SRPK2: variants seen among roughly 807,000 people sequenced by gnomAD.
SRPK2 encodes the protein SFRS protein kinase 2.
SRPK2 carries 21 observed loss-of-function variants against 90.8 expected under a neutral mutation model. The observed-to-expected ratio is 0.23, with a 90% confidence interval of 0.16 to 0.33. The LOEUF (loss-of-function observed/expected upper bound fraction) is 0.33. Among genes scored for constraint, SRPK2 ranks in the 10% least tolerant of loss-of-function variants. SRPK2 has a pLI of 1.00. For synonymous variants in SRPK2, 288 were observed against 311.1 expected (o/e 0.93, Z 0.78); for missense variants, 620 against 869.0 (o/e 0.71, Z 3.60).
Position 105,324,009 on chromosome 7 carries a change from GTGTGTGT to G in SRPK2, c.71+64632_71+64638del, listed in dbSNP as rs1813258303. On this transcript the variant is annotated intron_variant, in intron 2 of 15. Transcript: ENST00000393651. Reference sequence around the variant, plus strand: ...TGTGTGTGTGTGTGTGTGTGTGTGTGTGTGTGTGGTGGAGTCTCACATTGTCGCCCGG... The same window carrying G: ...TGTGTGTGTGTGTGTGTGTGTGTGTGGGTGGAGTCTCACATTGTCGCCCGG... Among the ~76,000 whole-genome samples, 4 of 140,776 alleles carry G rather than the reference GTGTGTGT, an allele frequency of 2.8e-5. 1 individual carries two copies. The highest frequency in any genetic ancestry group is 1.1e-4 in the African/African-American group (4 of 36,936). 92.4% of individuals were successfully genotyped at this position (140,776 alleles called of 152,430 possible).
intron 2 of SRPK2, among the ~76,000 whole-genome samples, chr7:105,274,253 C>CCT (rs564749123): frequency 1.6e-4 from 24 of 151,094 alleles, no homozygotes; most frequent in Non-Finnish European, 2.7e-4. Flanking sequence ...CAATAAATTC[C>CCT]CTCTCTCTCT....
rs113456622 is a variant in SRPK2, at chr7:105,133,153, G to C, written c.1544-49C>G. 4 of 1,542,870 alleles carry C rather than the reference G, an allele frequency of 2.6e-6. No homozygotes were observed. The Admixed American group carries it at 6.7e-5, about 26-fold the overall frequency. On this transcript the variant is annotated intron_variant, in intron 11 of 15. Coordinates refer to ENST00000393651, the MANE Select transcript of SRPK2 (RefSeq NM_182692.3). ...AGTTAGTGATCGGGATAGGTGGTTT[G>C]CATGTGTGAGCACAGTGTTTGCCAG...
At chr7:105,334,667 G>C (rs1029401143) in intron 2 of SRPK2, among the ~76,000 whole-genome samples, 1 of 151,730 alleles carries the variant, frequency 6.6e-6, no homozygotes, top group East Asian at 2.0e-4. Context: ...GTGAAACCCA[G>C]TCTCTACTAA....
At chr7:105,389,929 A>G (rs1282087921), upstream of SRPK2, among the ~76,000 whole-genome samples, 1 of 152,116 alleles carries the variant, frequency 6.6e-6, no homozygotes, top group Non-Finnish European at 1.5e-5. Flanking sequence ...AGAACGGGAA[A>G]CTCTGCTTGG....
chr7:105,333,329 A>C (rs1011614796), intron 2 of SRPK2, among the ~76,000 whole-genome samples: 1 of 152,272 alleles, frequency 6.6e-6, no homozygotes, highest in Non-Finnish European at 1.5e-5. Context: ...ATTGTAACAA[A>C]TATTAAGTAA....
At chr7:105,170,745 G>GAGGAAGGAAGGGAGGA (rs1790721037) in intron 3 of SRPK2, among the ~76,000 whole-genome samples, 1 of 45,538 alleles carries the variant, frequency 2.2e-5, no homozygotes, top group Non-Finnish European at 3.8e-5. Context: ...GGAAGAAAGG[G>GAGGAAGGAAGGGAGGA]AGGAAGGAAG....
intron 3 of SRPK2, among the ~76,000 whole-genome samples, chr7:105,200,334 G>A (rs561495583): frequency 5.3e-4 from 81 of 152,008 alleles, no homozygotes; most frequent in African/African-American, 1.6e-3. Flanking sequence ...ATCAAAGAAC[G>A]ATTGAGGCAT....
chr7:105,264,907 G>C (rs1047828202), intron 2 of SRPK2, among the ~76,000 whole-genome samples: 14 of 152,090 alleles, frequency 9.2e-5, no homozygotes, highest in African/African-American at 2.9e-4. Context: ...AGGCAGACTG[G>C]GAATCAGCTC....
upstream of SRPK2, among the ~76,000 whole-genome samples, chr7:105,390,081 G>C (rs1199864148): frequency 6.6e-6 from 1 of 152,184 alleles, no homozygotes; most frequent in African/African-American, 2.4e-5. Context: ...CTATGTGTCT[G>C]TGTGTATGGT....
intron 3 of SRPK2, among the ~76,000 whole-genome samples, chr7:105,191,900 G>C (rs773457702): frequency 2.0e-5 from 3 of 148,280 alleles, no homozygotes; most frequent in African/African-American, 5.0e-5. Context: ...TTTTTAAATA[G>C]AGACAAAGTC....
chr7:105,314,622 G>A (rs1427708951), intron 2 of SRPK2, among the ~76,000 whole-genome samples: 1 of 152,130 alleles, frequency 6.6e-6, no homozygotes, highest in Non-Finnish European at 1.5e-5. Flanking sequence ...GACCTCAGGC[G>A]ATCTGCCCGC....
At chr7:105,159,796 T>C (rs577002067) in intron 7 of SRPK2, among the ~76,000 whole-genome samples, 29 of 152,238 alleles carry the variant, frequency 1.9e-4, no homozygotes, top group Non-Finnish European at 4.0e-4. Flanking sequence ...GTAATTTCTA[T>C]ATGAGTTAAA....
intron 11 of SRPK2, among the ~76,000 whole-genome samples, chr7:105,139,833 A>G (rs1371696768): frequency 1.3e-5 from 2 of 152,010 alleles, no homozygotes; most frequent in East Asian, 3.9e-4. Flanking sequence ...CAAGGCTCAG[A>G]CAGGGTAAGA....
At chr7:105,123,282 T>G (rs1383294081) in intron 15 of SRPK2, among the ~76,000 whole-genome samples, 1 of 152,166 alleles carries the variant, frequency 6.6e-6, no homozygotes, top group Non-Finnish European at 1.5e-5. Flanking sequence ...TCATGACTTC[T>G]TAAATTATAC....
At chr7:105,355,625 A>T (rs758789068) in intron 2 of SRPK2, among the ~76,000 whole-genome samples, 2 of 152,164 alleles carry the variant, frequency 1.3e-5, no homozygotes, top group Non-Finnish European at 1.5e-5. Context: ...CTGTGTTCTA[A>T]CCTGGGTGAG....
chr7:105,130,206 C>T (rs549499386), intron 13 of SRPK2, among the ~76,000 whole-genome samples: 124 of 152,300 alleles, frequency 8.1e-4, no homozygotes, highest in Non-Finnish European at 1.4e-3. Flanking sequence ...GGCTACCACC[C>T]GTCAGCTCTC....
chr7:105,242,653 A>G (rs1800972370), intron 2 of SRPK2, among the ~76,000 whole-genome samples: 1 of 152,000 alleles, frequency 6.6e-6, no homozygotes, highest in Non-Finnish European at 1.5e-5. Context: ...GCATGCACAC[A>G]TGTCTAATCT....
intron 2 of SRPK2, among the ~76,000 whole-genome samples, chr7:105,243,879 C>A (rs956881115): frequency 6.6e-6 from 1 of 152,158 alleles, no homozygotes; most frequent in African/African-American, 2.4e-5. Flanking sequence ...AATCCAGAGA[C>A]CTTTGTCGGG....
chr7:105,338,529 T>C (rs1050318139), intron 2 of SRPK2, among the ~76,000 whole-genome samples: 2 of 152,198 alleles, frequency 1.3e-5, no homozygotes, highest in African/African-American at 4.8e-5. Flanking sequence ...AGTCCTGGGA[T>C]TACAGGCATA....
Sources: allele counts gnomAD v4.1 joint callset (sites outside exome capture counted in the v4.1 genomes callset), GRCh38; gene constraint gnomAD v4.1.1; transcripts MANE v1.5; gene names NCBI Gene and HGNC (gene_info 2026-07-23, HGNC 2026-07-21).